Variants in DOK5 observed in about 807,000 individuals in gnomAD.
DOK5 encodes the protein downstream of tyrosine kinase 5.
DOK5 carries 27 observed loss-of-function variants against 43.3 expected under a neutral mutation model. That is an observed-to-expected ratio of 0.62 (90% CI 0.46 to 0.86). DOK5 has a LOEUF of 0.86. Ranked by LOEUF, DOK5 falls within the 40% of genes least tolerant of loss-of-function variation. The pLI, the probability that DOK5 is intolerant of heterozygous loss-of-function variation, is 0.00. For missense variants in DOK5, 373 were observed against 392.9 expected (o/e 0.95, Z 0.43); for synonymous variants, 146 against 140.1 (o/e 1.04, Z -0.30).
chr20:54,541,061 C>T (rs1984141572), intron 1 of DOK5, among the ~76,000 whole-genome samples: 1 of 152,214 alleles, frequency 6.6e-6, no homozygotes, highest in Non-Finnish European at 1.5e-5. Flanking sequence ...TACTGAACTT[C>T]GTCCTTTTCC....
intron 5 of DOK5, among the ~76,000 whole-genome samples, chr20:54,595,018 G>T (rs141962167): frequency 4.7e-4 from 69 of 146,020 alleles, no homozygotes; most frequent in African/African-American, 1.7e-3. Context: ...TGTATATGGG[G>T]TGTGTGTGTA....
intron 6 of DOK5, among the ~76,000 whole-genome samples, chr20:54,633,923 A>G (rs1386019136): frequency 1.3e-5 from 2 of 152,228 alleles, no homozygotes; most frequent in Admixed American, 6.5e-5. Context: ...TCAATTTTGC[A>G]AAACACAATG....
chr20:54,535,558 T>G (rs1376058693), intron 1 of DOK5, among the ~76,000 whole-genome samples: 1 of 151,982 alleles, frequency 6.6e-6, no homozygotes, highest in African/African-American at 2.4e-5. Flanking sequence ...GAGTGATATA[T>G]CTCCAGTTTT....
At chr20:54,605,887 T>C (rs1012116356) in intron 5 of DOK5, among the ~76,000 whole-genome samples, 1 of 152,270 alleles carries the variant, frequency 6.6e-6, no homozygotes, top group African/African-American at 2.4e-5. Context: ...CTACATATCC[T>C]ATTTAATACT....
intron 6 of DOK5, among the ~76,000 whole-genome samples, chr20:54,638,665 A>G (rs1978956226): frequency 6.6e-6 from 1 of 151,764 alleles, no homozygotes; most frequent in African/African-American, 2.4e-5. Flanking sequence ...GTCCAGGGAC[A>G]TGATTTTAGT....
intron 6 of DOK5, among the ~76,000 whole-genome samples, chr20:54,623,756 T>C (rs543523282): frequency 2.0e-5 from 3 of 152,146 alleles, no homozygotes; most frequent in Admixed American, 1.3e-4. Context: ...ATTTTTTGTA[T>C]TTTTAGTAGA....
intron 6 of DOK5, among the ~76,000 whole-genome samples, chr20:54,620,841 C>T (rs975868725): frequency 2.6e-5 from 4 of 151,910 alleles, no homozygotes; most frequent in Non-Finnish European, 4.4e-5. Flanking sequence ...AGATAGTATA[C>T]GAGGTGCTGG....
intron 2 of DOK5, among the ~76,000 whole-genome samples, chr20:54,563,582 C>A (rs958369505): frequency 6.6e-6 from 1 of 151,716 alleles, no homozygotes; most frequent in South Asian, 2.1e-4. Flanking sequence ...TGTTCTGATA[C>A]TGAGACTGAT....
chr20:54,576,191 A>C (rs1463080192), intron 2 of DOK5, among the ~76,000 whole-genome samples: 2 of 152,224 alleles, frequency 1.3e-5, no homozygotes, highest in African/African-American at 4.8e-5. Flanking sequence ...CTTAGATTGG[A>C]TAAAAGTATA....
chr20:54,532,302 C>T (rs775707579), intron 1 of DOK5, among the ~76,000 whole-genome samples: 2 of 152,170 alleles, frequency 1.3e-5, no homozygotes, highest in Admixed American at 6.5e-5. Flanking sequence ...TTAACCTGCT[C>T]GTGGGCAGGT....
intron 6 of DOK5, among the ~76,000 whole-genome samples, chr20:54,621,743 G>A (rs1182751614): frequency 2.0e-5 from 3 of 151,830 alleles, no homozygotes; most frequent in Admixed American, 6.6e-5. Flanking sequence ...CTGTATCAAA[G>A]GGTGCTACCA....
intron 4 of DOK5, among the ~76,000 whole-genome samples, chr20:54,590,137 C>T (rs917111105): frequency 6.6e-6 from 1 of 152,202 alleles, no homozygotes; most frequent in Non-Finnish European, 1.5e-5. Flanking sequence ...GACAGCACCA[C>T]AATCTGAATT....
At chr20:54,513,230 G>A (rs1983070558) in intron 1 of DOK5, among the ~76,000 whole-genome samples, 1 of 152,034 alleles carries the variant, frequency 6.6e-6, no homozygotes, top group African/African-American at 2.4e-5. Flanking sequence ...ATAGTAATTA[G>A]TTTTCTGTTA....
chr20:54,547,294 G>A (rs1462593339), intron 1 of DOK5, among the ~76,000 whole-genome samples: 3 of 152,148 alleles, frequency 2.0e-5, no homozygotes, highest in African/African-American at 7.2e-5. Context: ...CAGAAAGTTT[G>A]CCAACTCCTG....
In DOK5 at chr20:54,561,021, C is replaced by T. The variant is rs145235050; in HGVS notation, c.174+5981C>T. On this transcript the variant is annotated intron_variant, in intron 2 of 7. Transcript: ENST00000262593. ...GCCAGGGAGTTGTCTTTGACTTACT[C>T]TCTTCCATATTCCCTCTCAAATCAA... is the stretch of plus-strand genomic sequence containing the variant. 2.8e-3 allele frequency among the ~76,000 whole-genome samples: 424 copies of T among 152,322 alleles called. 2 individuals carry two copies. The highest frequency in any genetic ancestry group is 9.8e-3 in the African/African-American group (407 of 41,578).
intron 1 of DOK5, among the ~76,000 whole-genome samples, chr20:54,490,638 TGCAGTG>T (rs1300806582): frequency 6.6e-6 from 1 of 152,174 alleles, no homozygotes; most frequent in Non-Finnish European, 1.5e-5. Context: ...CAGGCTGGAG[TGCAGTG>T]GCACGATATT....
rs768075273 is a variant in DOK5, at chr20:54,588,770, G to C, written c.373G>C (p.Asp125His). ...CAATGACATCAGCCTTGGAGAGCCTGACTTACTGGCCACTGGGGTTGAGAG... is the reference window on the plus strand; with the variant it reads ...CAATGACATCAGCCTTGGAGAGCCTCACTTACTGGCCACTGGGGTTGAGAG... ...RINDISLGEPDLLATGVEREQ... is the reference protein window; with the variant it reads ...RINDISLGEPHLLATGVEREQ... Residue 125 changes from aspartate (D) to histidine (H), a missense_variant, in exon 4 of 8, where the codon GAC (aspartate) becomes CAC (histidine). Asp to His is a moderately conservative substitution (Grantham distance 81). Coordinates refer to ENST00000262593, the MANE Select transcript of DOK5 (RefSeq NM_018431.5). 6.2e-7 allele frequency: 1 copy of C among 1,614,050 alleles called. No individual in the cohort carries two copies. The highest frequency in any genetic ancestry group is 2.2e-5 in the East Asian group (1 of 44,884).
intron 2 of DOK5, among the ~76,000 whole-genome samples, chr20:54,580,839 C>A (rs946609509): frequency 6.6e-6 from 1 of 152,060 alleles, no homozygotes; most frequent in African/African-American, 2.4e-5. Flanking sequence ...CCTTTTCACT[C>A]TGTTGATTGT....
intron 2 of DOK5, among the ~76,000 whole-genome samples, chr20:54,581,897 T>A (rs1021866942): frequency 6.6e-6 from 1 of 152,060 alleles, no homozygotes; most frequent in Admixed American, 6.5e-5. Context: ...CTTTCTTGTC[T>A]AATTGCTCTA....
Sources: allele counts gnomAD v4.1 joint callset (sites outside exome capture counted in the v4.1 genomes callset), GRCh38; gene constraint gnomAD v4.1.1; transcripts MANE v1.5; gene names NCBI Gene and HGNC (gene_info 2026-07-23, HGNC 2026-07-21).